The following CDH6 variants were observed in gnomAD, a reference collection of about 807,000 sequenced individuals.
CDH6 encodes cadherin 6, also known as cadherin-6.
Under a neutral mutation model 78.0 loss-of-function variants are expected in CDH6, and 31 were observed. The observed-to-expected ratio is 0.40, with a 90% CI of 0.30 to 0.54. The LOEUF is 0.54. Among genes scored for constraint, CDH6 ranks in the 20% least tolerant of loss-of-function variants. CDH6 has a pLI of 0.56. For missense variants in CDH6, 724 were observed against 975.9 expected (o/e 0.74, Z 3.44); for synonymous variants, 376 against 368.8 (o/e 1.02, Z -0.23).
At position 31,313,418 on chromosome 5, in the gene CDH6, C is replaced by CTA; in HGVS notation, c.1356_1357dup (p.Trp453TyrfsTer7). The CTA allele has an allele frequency of 6.2e-7, 1 of 1,613,936 alleles. No individual in the cohort carries two copies. The highest frequency in any genetic ancestry group is 8.5e-7 in the Non-Finnish European group (1 of 1,179,822). ...GAAACTTCTTGACCGAGAAACACTG[C>CTA]TATGGCACAACATTACAGTGATAGC... On this transcript the variant is annotated frameshift_variant, in exon 8 of 12. Transcript: ENST00000265071. LOFTEE classifies it high-confidence loss of function.
At chr5:31,295,324 G>A (rs1411392426) in intron 3 of CDH6, among the ~76,000 whole-genome samples, 1 of 151,836 alleles carries the variant, frequency 6.6e-6, no homozygotes, top group Non-Finnish European at 1.5e-5. Flanking sequence ...AAATTTGTTA[G>A]GAAAAAAATT....
intron 2 of CDH6, among the ~76,000 whole-genome samples, chr5:31,268,942 G>T (rs1057198692): frequency 6.6e-6 from 1 of 152,148 alleles, no homozygotes; most frequent in African/African-American, 2.4e-5. Flanking sequence ...AGGGGTGAAC[G>T]TCAACACAGA....
rs543765600 is a variant in CDH6, at chr5:31,291,959, C to T, written c.229-2003C>T. On this transcript the variant is annotated intron_variant, in intron 2 of 11. Transcript: ENST00000265071. ...AATTATATGAATAATATTCTCTTCC[C>T]CAAACACCACGATTAACTAGCTTTT... Among the ~76,000 whole-genome samples the T allele has an allele frequency of 1.3e-4, 20 of 152,264 alleles. No individual in the cohort carries two copies. In the South Asian group the frequency reaches 3.7e-3, roughly 28 times the overall value.
chr5:31,313,862 T>A (rs1459314966), intron 8 of CDH6, among the ~76,000 whole-genome samples: 3 of 152,130 alleles, frequency 2.0e-5, no homozygotes, highest in Non-Finnish European at 4.4e-5. Flanking sequence ...TTTAGAAAAT[T>A]TTAGATATCA....
At position 31,325,371 on chromosome 5, in the gene CDH6, G is replaced by A. The variant is rs1738603231; in HGVS notation, c.*2063G>A. 3.1e-5 allele frequency: 7 copies of A among 228,218 alleles called. No individual in the cohort carries two copies. In the South Asian group the frequency reaches 1.3e-3, roughly 42 times the overall value. 14.1% of individuals were successfully genotyped at this position (228,218 alleles called of 1,614,324 possible). A position where few individuals can be genotyped will look rare whatever the true frequency, so the allele number is the denominator to read the frequency against. ...ACACACACACGAATGCAAACAAAAG[G>A]CTATATGAGGTCTTCACTCTAATGA... On this transcript the variant is annotated 3_prime_UTR_variant, in exon 12 of 12. Coordinates refer to ENST00000265071, the MANE Select transcript of CDH6 (RefSeq NM_004932.4).
intron 1 of CDH6, among the ~76,000 whole-genome samples, chr5:31,217,670 G>A (rs1004263715): frequency 4.6e-5 from 7 of 152,086 alleles, no homozygotes; most frequent in South Asian, 2.1e-4. Flanking sequence ...GTTAGGTGGC[G>A]AGGTAAAACA....
chr5:31,273,643 A>T (rs1742596241), intron 2 of CDH6, among the ~76,000 whole-genome samples: 1 of 152,212 alleles, frequency 6.6e-6, no homozygotes, highest in Admixed American at 6.5e-5. Context: ...AGTGAAAAAA[A>T]CCCGGAACAT....
intron 1 of CDH6, among the ~76,000 whole-genome samples, chr5:31,259,780 G>A (rs1189129264): frequency 6.6e-6 from 1 of 152,190 alleles, no homozygotes; most frequent in Non-Finnish European, 1.5e-5. Flanking sequence ...CAAGAGCCAG[G>A]CAAGGTGCTT....
At chr5:31,302,903 A>AAAAGAAGAAAGAAAGAAAG (rs1737842771) in intron 6 of CDH6, among the ~76,000 whole-genome samples, 2 of 90,458 alleles carry the variant, frequency 2.2e-5, no homozygotes, top group South Asian at 8.5e-4. Context: ...AAGAAAGAAA[A>AAAAGAAGAAAGAAAGAAAG]AAAGAAAGAA....
At chr5:31,292,003 C>G (rs1294763853) in intron 2 of CDH6, among the ~76,000 whole-genome samples, 1 of 152,186 alleles carries the variant, frequency 6.6e-6, no homozygotes, top group Non-Finnish European at 1.5e-5. Context: ...ACATTAAACA[C>G]GGTTTCTCTA....
intron 1 of CDH6, among the ~76,000 whole-genome samples, chr5:31,259,995 C>T (rs1210708645): frequency 6.6e-6 from 1 of 152,196 alleles, no homozygotes; most frequent in Non-Finnish European, 1.5e-5. Flanking sequence ...AGTTAATCCA[C>T]AAATGAGGAT....
At chr5:31,237,129 C>T (rs1192744869) in intron 1 of CDH6, among the ~76,000 whole-genome samples, 3 of 152,090 alleles carry the variant, frequency 2.0e-5, no homozygotes, top group Middle Eastern at 3.4e-3. Flanking sequence ...GACAGCTGAA[C>T]GAGGCAGGTT....
rs80033937 is a variant in CDH6, at chr5:31,260,342, T to C, written c.-128-7004T>C. Among the ~76,000 whole-genome samples the C allele has an allele frequency of 9.2e-3, 1,395 of 152,322 alleles. 21 individuals are homozygous for C. Among genetic ancestry groups the C allele is most frequent in the African/African-American group, 0.032 (1,316 of 41,562 alleles). ...GAGATTCTCACCTTGACATGTGGCA[T>C]GCCGGAGTCTGCTCTTCATCATATT... On this transcript the variant is annotated intron_variant, in intron 1 of 11. Transcript: ENST00000265071.
At chr5:31,226,172 C>CGTAT (rs1369880253) in intron 1 of CDH6, among the ~76,000 whole-genome samples, 2 of 152,064 alleles carry the variant, frequency 1.3e-5, no homozygotes, top group East Asian at 3.9e-4. Context: ...ACACAGAGTA[C>CGTAT]GTATGTATGT....
At chr5:31,272,740 A>G (rs1262779595) in intron 2 of CDH6, among the ~76,000 whole-genome samples, 1 of 152,210 alleles carries the variant, frequency 6.6e-6, no homozygotes, top group Non-Finnish European at 1.5e-5. Context: ...CACAATGTAT[A>G]CATAAGACCA....
At position 31,202,830 on chromosome 5, in the gene CDH6, TAC is replaced by T. The variant is rs1163426365; in HGVS notation, c.-129+8952_-129+8953del. The stretch of plus-strand genomic sequence containing the variant: ...ACATATATAAAACTATATGTATATA[TAC>T]ACACACATATATATATGCAAAATAT... On this transcript the variant is annotated intron_variant, in intron 1 of 11. Coordinates refer to ENST00000265071, the MANE Select transcript of CDH6 (RefSeq NM_004932.4). 2.6e-5 allele frequency among the ~76,000 whole-genome samples: 4 copies of T among 151,752 alleles called. No individual in the cohort carries two copies. The East Asian group carries it at 7.7e-4, about 29-fold the overall frequency.
At chr5:31,315,620 A>G (rs558384258) in intron 8 of CDH6, among the ~76,000 whole-genome samples, 58 of 152,352 alleles carry the variant, frequency 3.8e-4, no homozygotes, top group African/African-American at 1.2e-3. Flanking sequence ...CCAAGTTTGA[A>G]CCTGGACTTC....
chr5:31,280,904 C>CAAAAAA (rs201793108), intron 2 of CDH6, among the ~76,000 whole-genome samples: 1 of 117,436 alleles, frequency 8.5e-6, no homozygotes. Flanking sequence ...GGCTCCCAAG[C>CAAAAAA]AAAAAAAAAA....
chr5:31,317,649 C>G (rs1738361806), intron 10 of CDH6, 24 bp from the exon 11 acceptor site: 1 of 1,599,544 alleles, frequency 6.3e-7, no homozygotes, highest in Non-Finnish European at 8.5e-7. Flanking sequence ...CACATACATT[C>G]ACCACTTTGC....
Sources: allele counts gnomAD v4.1 joint callset (sites outside exome capture counted in the v4.1 genomes callset), GRCh38; gene constraint gnomAD v4.1.1; transcripts MANE v1.5; gene names NCBI Gene and HGNC (gene_info 2026-07-23, HGNC 2026-07-21).